Variants in CFAP299 observed in about 807,000 individuals in gnomAD.
CFAP299 encodes cilia and flagella associated protein 299, also known as cilia- and flagella-associated protein 299.
In CFAP299, 21 loss-of-function variants were observed where a neutral mutation model predicts 27.0. That is an observed-to-expected ratio of 0.78 (90% confidence interval 0.55 to 1.12). The LOEUF (loss-of-function observed/expected upper bound fraction) is 1.12, where lower values mean the gene tolerates loss of function less well. Among genes scored for constraint, CFAP299 ranks in the 50% most tolerant of loss-of-function variants. The pLI, the probability that CFAP299 is intolerant of heterozygous loss-of-function variation, is 0.00. For missense variants in CFAP299, 310 were observed against 276.6 expected (o/e 1.12, Z -0.86); for synonymous variants, 104 against 98.1 (o/e 1.06, Z -0.36).
intron 3 of CFAP299, among the ~76,000 whole-genome samples, chr4:80,781,143 T>C (rs1319288048): frequency 6.6e-6 from 1 of 152,006 alleles, no homozygotes; most frequent in South Asian, 2.1e-4. Context: ...CTATTGTTGA[T>C]GAATAATTTT....
At chr4:80,606,274 C>A (rs976048054) in intron 3 of CFAP299, among the ~76,000 whole-genome samples, 6 of 152,256 alleles carry the variant, frequency 3.9e-5, no homozygotes, top group East Asian at 1.9e-4. Flanking sequence ...TGGTGGCTCA[C>A]GCTTGTAATC....
At chr4:80,936,561 T>C (rs1028088831) in intron 4 of CFAP299, among the ~76,000 whole-genome samples, 1 of 152,114 alleles carries the variant, frequency 6.6e-6, no homozygotes, top group African/African-American at 2.4e-5. Flanking sequence ...ACATATGTTT[T>C]CACTTATAAT....
chr4:80,848,020 G>T (rs1033378928), intron 3 of CFAP299, among the ~76,000 whole-genome samples: 5 of 151,878 alleles, frequency 3.3e-5, no homozygotes, highest in African/African-American at 1.2e-4. Context: ...GAACAGCCTG[G>T]GCAACATGGC....
intron 2 of CFAP299, among the ~76,000 whole-genome samples, chr4:80,524,252 A>G (rs1301203236): frequency 1.3e-5 from 2 of 151,958 alleles, no homozygotes; most frequent in African/African-American, 2.4e-5. Context: ...TTTTTATTTT[A>G]TGCTTTTTCC....
Position 80,847,169 on chromosome 4 carries a change from C to T in CFAP299, c.334-22824C>T, listed in dbSNP as rs1731229968. Among the ~76,000 whole-genome samples, 3 of 152,156 alleles carry T rather than the reference C, an allele frequency of 2.0e-5. No individual in the cohort carries two copies. In the South Asian group the frequency reaches 6.2e-4, roughly 31 times the overall value. ...CCAGCATCATGACTGACAATTCCTG[C>T]TGCTTTAGATTCATTTCTTCCTTCT... On this transcript the variant is annotated intron_variant, in intron 3 of 5. Coordinates refer to ENST00000358105, the MANE Select transcript of CFAP299 (RefSeq NM_152770.3).
intron 2 of CFAP299, among the ~76,000 whole-genome samples, chr4:80,421,486 T>C (rs1338075554): frequency 6.6e-6 from 1 of 152,206 alleles, no homozygotes. Context: ...AAAAGTATTA[T>C]TTAGAATTAT....
intron 3 of CFAP299, among the ~76,000 whole-genome samples, chr4:80,632,368 T>A (rs1301141382): frequency 6.6e-6 from 1 of 152,338 alleles, no homozygotes; most frequent in East Asian, 1.9e-4. Context: ...AATATACATT[T>A]ATTCAGCATT....
chr4:80,358,403 C>T (rs970627876), intron 1 of CFAP299, among the ~76,000 whole-genome samples: 9 of 151,956 alleles, frequency 5.9e-5, no homozygotes, highest in African/African-American at 1.5e-4. Flanking sequence ...TTTTCTGTCT[C>T]GATGATCTGT....
At chr4:80,421,364 T>G (rs1464164039) in intron 2 of CFAP299, among the ~76,000 whole-genome samples, 3 of 152,216 alleles carry the variant, frequency 2.0e-5, no homozygotes, top group Non-Finnish European at 4.4e-5. Context: ...TAAGCATTTG[T>G]GGAACAAAGA....
chr4:80,524,577 C>T (rs1238072121), intron 2 of CFAP299, among the ~76,000 whole-genome samples: 2 of 152,052 alleles, frequency 1.3e-5, no homozygotes, highest in Non-Finnish European at 2.9e-5. Context: ...TGTATGACTG[C>T]CTAATTGACA....
chr4:80,632,260 GT>G (rs1739248180), intron 3 of CFAP299, among the ~76,000 whole-genome samples: 1 of 150,374 alleles, frequency 6.7e-6, no homozygotes, highest in African/African-American at 2.4e-5. Context: ...AAACAATTTG[GT>G]TTTCCTTTAA....
chr4:80,516,457 A>G (rs1049521842), intron 2 of CFAP299, among the ~76,000 whole-genome samples: 1 of 152,180 alleles, frequency 6.6e-6, no homozygotes, highest in African/African-American at 2.4e-5. Context: ...CAGGAAGTTT[A>G]CAATCATGAT....
chr4:80,383,382 A>T (rs1169463830), intron 2 of CFAP299, among the ~76,000 whole-genome samples: 1 of 152,204 alleles, frequency 6.6e-6, no homozygotes, highest in African/African-American at 2.4e-5. Flanking sequence ...TTGACGTCAC[A>T]TAATTCAGTG....
At chr4:80,780,830 T>G (rs574322481) in intron 3 of CFAP299, among the ~76,000 whole-genome samples, 39 of 152,034 alleles carry the variant, frequency 2.6e-4, no homozygotes, top group Non-Finnish European at 4.7e-4. Context: ...AGAACTAGAA[T>G]AGGTGGTAAA....
intron 1 of CFAP299, among the ~76,000 whole-genome samples, chr4:80,343,605 A>T (rs1722573165): frequency 6.6e-6 from 1 of 151,834 alleles, no homozygotes; most frequent in Non-Finnish European, 1.5e-5. Flanking sequence ...CTGGCTAACA[A>T]GGTGAAACCC....
chr4:80,389,195 T>A (rs1422796705), intron 2 of CFAP299, among the ~76,000 whole-genome samples: 1 of 152,202 alleles, frequency 6.6e-6, no homozygotes, highest in East Asian at 1.9e-4. Flanking sequence ...TTGGGTTAGA[T>A]AATAATTTAT....
At chr4:80,494,607 C>G (rs942399335) in intron 2 of CFAP299, among the ~76,000 whole-genome samples, 2 of 152,172 alleles carry the variant, frequency 1.3e-5, no homozygotes, top group African/African-American at 4.8e-5. Flanking sequence ...TCTTCATACC[C>G]AGAGTGTGTT....
intron 3 of CFAP299, among the ~76,000 whole-genome samples, chr4:80,868,737 AT>A (rs1427295073): frequency 6.6e-6 from 1 of 151,432 alleles, no homozygotes; most frequent in African/African-American, 2.4e-5. Flanking sequence ...TTTAGATTTT[AT>A]TCAGAATTTT....
chr4:80,596,228 G>A (rs1376880397), intron 3 of CFAP299, among the ~76,000 whole-genome samples: 1 of 152,096 alleles, frequency 6.6e-6, no homozygotes, highest in East Asian at 1.9e-4. Context: ...GTCTCATTAC[G>A]GGAATCCTCC....
Sources: gnomAD v4.1 joint callset for allele counts (sites outside exome capture counted in the v4.1 genomes callset) on GRCh38, gnomAD v4.1.1 for gene constraint, MANE v1.5 for transcripts, NCBI Gene and HGNC (gene_info 2026-07-23, HGNC 2026-07-21) for gene names.